GALNTL6: variants seen among roughly 807,000 people sequenced by gnomAD.
The protein encoded by GALNTL6 is polypeptide N-acetylgalactosaminyltransferase like 6.
In GALNTL6, 46 loss-of-function variants were observed where a neutral mutation model predicts 73.7. The ratio of observed to expected loss-of-function variants is 0.62; its 90% CI spans 0.49 to 0.80. The LOEUF is 0.80. Among genes scored for constraint, GALNTL6 ranks in the 30% least tolerant of loss-of-function variants. The probability of loss-of-function intolerance (pLI) is 0.00; values close to 1 mark genes in which losing one functional copy is unlikely to be tolerated. For missense variants in GALNTL6, 604 were observed against 755.0 expected (o/e 0.80, Z 2.34); for synonymous variants, 259 against 263.7 (o/e 0.98, Z 0.17).
Position 173,041,008 on chromosome 4 carries a change from T to G in GALNTL6, c.*908T>G, listed in dbSNP as rs752509421. ...TCTGATATTTGTCCAGTCATAATTT[T>G]TATTAAGCAAGGAAATGGAGTGAGT... On this transcript the variant is annotated 3_prime_UTR_variant, in exon 13 of 13. Coordinates refer to ENST00000506823, the MANE Select transcript of GALNTL6 (RefSeq NM_001034845.3). 1.3e-5 allele frequency: 2 copies of G among 152,360 alleles called. No homozygotes were observed. The highest frequency in any genetic ancestry group is 2.9e-5 in the Non-Finnish European group (2 of 68,036). The allele number at this position is 152,360 out of a possible 1,614,324, so 9.4% of individuals were successfully genotyped here. A position where few individuals can be genotyped will look rare whatever the true frequency, so the allele number is the denominator to read the frequency against.
At chr4:172,738,597 G>C (rs967946774) in intron 5 of GALNTL6, among the ~76,000 whole-genome samples, 1 of 64,512 alleles carries the variant, frequency 1.6e-5, no homozygotes, top group Admixed American at 1.2e-4. Context: ...ATTTTAAAAC[G>C]TGTCAATGAA....
intron 2 of GALNTL6, 181 bp downstream of exon 2, chr4:171,814,899 A>G (rs1373309120): frequency 2.0e-5 from 12 of 614,824 alleles, no homozygotes; most frequent in Non-Finnish European, 3.4e-5. Flanking sequence ...GATTGCAGCC[A>G]GTAACATCGT....
At chr4:172,753,452 A>G (rs1345052847) in intron 5 of GALNTL6, among the ~76,000 whole-genome samples, 1 of 152,234 alleles carries the variant, frequency 6.6e-6, no homozygotes, top group African/African-American at 2.4e-5. Flanking sequence ...AGTGTTATGT[A>G]AAATTATGTG....
At chr4:172,204,646 C>T (rs941634084) in intron 2 of GALNTL6, among the ~76,000 whole-genome samples, 2 of 152,044 alleles carry the variant, frequency 1.3e-5, no homozygotes, top group Non-Finnish European at 2.9e-5. Flanking sequence ...TATATTGTCA[C>T]CTTAGACCAG....
intron 5 of GALNTL6, among the ~76,000 whole-genome samples, chr4:172,491,219 A>G (rs750666916): frequency 5.9e-5 from 9 of 152,152 alleles, no homozygotes; most frequent in Non-Finnish European, 1.3e-4. Context: ...TCATCATTTA[A>G]TTCAAATTAA....
At chr4:172,459,907 G>C (rs552794665) in intron 5 of GALNTL6, among the ~76,000 whole-genome samples, 58 of 152,224 alleles carry the variant, frequency 3.8e-4, no homozygotes, top group African/African-American at 1.3e-3. Context: ...ATGTAGCCAA[G>C]ACAATCTTAA....
At chr4:171,892,967 C>T (rs1282461044) in intron 2 of GALNTL6, among the ~76,000 whole-genome samples, 1 of 152,046 alleles carries the variant, frequency 6.6e-6, no homozygotes, top group East Asian at 1.9e-4. Flanking sequence ...CATATCTGCC[C>T]TGTTCATTGC....
chr4:172,474,842 A>G (rs1733177152), intron 5 of GALNTL6, among the ~76,000 whole-genome samples: 1 of 152,156 alleles, frequency 6.6e-6, no homozygotes, highest in Non-Finnish European at 1.5e-5. Flanking sequence ...CTATTTTTGC[A>G]CTGTATTCCT....
intron 5 of GALNTL6, among the ~76,000 whole-genome samples, chr4:172,622,699 A>G (rs986462660): frequency 3.3e-5 from 5 of 152,140 alleles, no homozygotes; most frequent in African/African-American, 1.2e-4. Flanking sequence ...CACTGAGAAA[A>G]CAGTCCAAAG....
chr4:172,132,843 C>A (rs559130652), intron 2 of GALNTL6, among the ~76,000 whole-genome samples: 1 of 152,208 alleles, frequency 6.6e-6, no homozygotes, highest in African/African-American at 2.4e-5. Flanking sequence ...CCATCTGATC[C>A]TTTAAGTATC....
intron 2 of GALNTL6, among the ~76,000 whole-genome samples, chr4:172,223,159 CT>C (rs1258043895): frequency 2.0e-5 from 3 of 152,002 alleles, no homozygotes; most frequent in Non-Finnish European, 4.4e-5. Flanking sequence ...AGAGTATGGA[CT>C]GACTAGAAGT....
intron 5 of GALNTL6, among the ~76,000 whole-genome samples, chr4:172,401,427 A>C (rs1158744713): frequency 1.3e-5 from 2 of 152,148 alleles, no homozygotes; most frequent in Non-Finnish European, 2.9e-5. Context: ...CTAGTTTTCA[A>C]GGTGTTAGAT....
At chr4:172,265,835 G>A (rs1303228913) in intron 3 of GALNTL6, among the ~76,000 whole-genome samples, 9 of 151,786 alleles carry the variant, frequency 5.9e-5, no homozygotes, top group South Asian at 2.1e-4. Context: ...CTTGTTCTCC[G>A]ATAAGAGGAT....
chr4:172,547,488 C>G (rs1311496848), intron 5 of GALNTL6, among the ~76,000 whole-genome samples: 3 of 152,098 alleles, frequency 2.0e-5, no homozygotes, highest in Non-Finnish European at 4.4e-5. Flanking sequence ...GGGAGGGAAG[C>G]ATATTTTAAT....
At chr4:172,238,623 C>T (rs1273643919) in intron 3 of GALNTL6, among the ~76,000 whole-genome samples, 1 of 151,830 alleles carries the variant, frequency 6.6e-6, no homozygotes, top group African/African-American at 2.4e-5. Flanking sequence ...CTGACTAGGA[C>T]TTTCAGTACT....
Position 172,293,798 on chromosome 4 carries a change from C to T in GALNTL6, c.248-17816C>T, listed in dbSNP as rs181532506. 2.7e-3 allele frequency among the ~76,000 whole-genome samples: 408 copies of T among 151,332 alleles called. 2 individuals carry two copies. The highest frequency in any genetic ancestry group is 3.7e-3 in the Non-Finnish European group (252 of 67,800). On this transcript the variant is annotated intron_variant, in intron 3 of 12. Transcript: ENST00000506823. The stretch of plus-strand genomic sequence containing the variant: ...CTGAAATAGATTAAACACAAGAATG[C>T]ACATAGTAATCACAGCATAATACAT...
intron 2 of GALNTL6, among the ~76,000 whole-genome samples, chr4:172,056,515 T>G (rs1400721460): frequency 6.6e-6 from 1 of 152,054 alleles, no homozygotes; most frequent in Admixed American, 6.6e-5. Context: ...TGGATCAGAG[T>G]CTATGAACAT....
At chr4:172,173,893 C>T (rs1301554053) in intron 2 of GALNTL6, among the ~76,000 whole-genome samples, 1 of 152,030 alleles carries the variant, frequency 6.6e-6, no homozygotes, top group African/African-American at 2.4e-5. Context: ...AAGCAGGGTA[C>T]AGAGCCAGGG....
intron 5 of GALNTL6, among the ~76,000 whole-genome samples, chr4:172,426,731 A>ATGT (rs984023910): frequency 7.2e-5 from 11 of 152,268 alleles, no homozygotes; most frequent in Non-Finnish European, 1.6e-4. Context: ...CTTATATTGA[A>ATGT]TGTTGATTCA....
Sources: gnomAD v4.1 joint callset for allele counts (sites outside exome capture counted in the v4.1 genomes callset) on GRCh38, gnomAD v4.1.1 for gene constraint, MANE v1.5 for transcripts, NCBI Gene and HGNC (gene_info 2026-07-23, HGNC 2026-07-21) for gene names.